Variants in DUSP16 observed in about 807,000 individuals in gnomAD.
DUSP16 encodes dual specificity protein phosphatase 16.
In DUSP16, 21 loss-of-function variants were observed where a neutral mutation model predicts 58.3. That is an observed-to-expected ratio of 0.36 (90% CI 0.26 to 0.52). The LOEUF (loss-of-function observed/expected upper bound fraction) is 0.52. Among genes scored for constraint, DUSP16 ranks in the 20% least tolerant of loss-of-function variants. DUSP16 has a pLI of 0.94. For synonymous variants in DUSP16, 320 were observed against 323.8 expected (o/e 0.99, Z 0.12); for missense variants, 726 against 819.0 (o/e 0.89, Z 1.39).
intron 4 of DUSP16, among the ~76,000 whole-genome samples, chr12:12,498,631 T>G (rs1044583437): frequency 6.6e-6 from 1 of 152,068 alleles, no homozygotes; most frequent in African/African-American, 2.4e-5. Context: ...TCCTGGCTGT[T>G]CTCAAACTCC....
intron 1 of DUSP16, among the ~76,000 whole-genome samples, chr12:12,529,188 T>C (rs148033850): frequency 6.6e-5 from 10 of 152,232 alleles, no homozygotes; most frequent in Non-Finnish European, 1.2e-4. Context: ...CTCAGTTTAC[T>C]GCAACCTTCA....
chr12:12,537,185 T>C (rs922759242), intron 1 of DUSP16, among the ~76,000 whole-genome samples: 3 of 152,188 alleles, frequency 2.0e-5, no homozygotes, highest in Admixed American at 6.5e-5. Flanking sequence ...CAGAAAACTA[T>C]ATATATTTTT....
rs552480839 is a variant in DUSP16, at chr12:12,512,370, G to A, written c.367+7492C>T. Among the ~76,000 whole-genome samples, 7 of 152,224 alleles carry A rather than the reference G, an allele frequency of 4.6e-5. No individual in the cohort carries two copies. In the South Asian group the frequency reaches 1.0e-3, roughly 23 times the overall value. On this transcript the variant is annotated intron_variant, in intron 3 of 6. Transcript: ENST00000298573. ...TAAGATCTACTCTTTCAGCAAATTTGAAGTATATGGTACGTTTATTGTCAA... is the reference window on the plus strand; with the variant it reads ...TAAGATCTACTCTTTCAGCAAATTTAAAGTATATGGTACGTTTATTGTCAA...
rs768340518 is a variant in DUSP16 at position 12,487,022 on chromosome 12, A to G, written c.691+6T>C. 5.0e-6 allele frequency: 8 copies of G among 1,613,760 alleles called. No homozygotes were observed. The highest frequency in any genetic ancestry group is 3.3e-5 in the Admixed American group (2 of 60,004). Reference sequence around the variant, plus strand: ...CAGGACCTGCAATATTATTTGAGCTACTTACCAATGAAATCTACTGATTTG... The same window carrying G: ...CAGGACCTGCAATATTATTTGAGCTGCTTACCAATGAAATCTACTGATTTG... On this transcript the variant is annotated splice_donor_region_variant and intron_variant, in intron 5 of 6. Coordinates refer to ENST00000298573, the MANE Select transcript of DUSP16 (RefSeq NM_030640.3).
chr12:12,489,845 A>T (rs374696646), intron 4 of DUSP16, among the ~76,000 whole-genome samples: 8 of 152,240 alleles, frequency 5.3e-5, no homozygotes, highest in African/African-American at 1.9e-4. Context: ...TTTGTTAGAG[A>T]CCTTTTAATT....
chr12:12,553,316 T>C (rs1944759552), intron 1 of DUSP16, among the ~76,000 whole-genome samples: 1 of 152,140 alleles, frequency 6.6e-6, no homozygotes, highest in South Asian at 2.1e-4. Flanking sequence ...CACCTGAATA[T>C]GAATCAGAAG....
Position 12,562,587 on chromosome 12 carries a change from G to T in DUSP16, c.-836C>A, listed in dbSNP as rs928744866. 1.3e-5 allele frequency among the ~76,000 whole-genome samples: 2 copies of T among 151,274 alleles called. No homozygotes were observed. Among genetic ancestry groups the T allele is most frequent in the African/African-American group, 2.4e-5 (1 of 41,210 alleles). ...GGGGGGGTGGGGTGGGGGGTTGGGGGAAAGAGAAAGAGTCGCTGGTCAGGA... is the reference window on the plus strand; with the variant it reads ...GGGGGGGTGGGGTGGGGGGTTGGGGTAAAGAGAAAGAGTCGCTGGTCAGGA... On this transcript the variant is annotated 5_prime_UTR_variant, in exon 1 of 7. Coordinates refer to ENST00000298573, the MANE Select transcript of DUSP16 (RefSeq NM_030640.3).
At chr12:12,534,509 C>T (rs1566036076) in intron 1 of DUSP16, among the ~76,000 whole-genome samples, 4 of 152,180 alleles carry the variant, frequency 2.6e-5, no homozygotes, top group Admixed American at 2.0e-4. Context: ...TTCTATAATT[C>T]GGCTCCATCA....
chr12:12,487,769 T>C (rs1022234301), intron 4 of DUSP16, among the ~76,000 whole-genome samples: 1 of 148,774 alleles, frequency 6.7e-6, no homozygotes, highest in Non-Finnish European at 1.5e-5. Flanking sequence ...AAACTAAACA[T>C]ATTCTCTTTT....
chr12:12,486,975 C>T lies in DUSP16; in HGVS notation c.691+53G>A. On this transcript the variant is annotated intron_variant, in intron 5 of 6. Coordinates refer to ENST00000298573, the MANE Select transcript of DUSP16 (RefSeq NM_030640.3). ...AAAATGGGGGGCTGAGGGGGTTCAC[C>T]TACACATGAGACGATCACCCACAGG... 8 of 1,600,416 alleles carry T rather than the reference C, an allele frequency of 5.0e-6. No individual in the cohort carries two copies. In the South Asian group the frequency reaches 8.9e-5, roughly 18 times the overall value.
Position 12,477,411 on chromosome 12 carries a change from C to T in DUSP16, c.1420G>A (p.Ala474Thr), listed in dbSNP as rs201815856. ...EASIPKKLQTARPSDSQSKRL... is the reference protein window; with the variant it reads ...EASIPKKLQTTRPSDSQSKRL... ...TTGCTCTGGCTGTCTGAAGGCCTGG[C>T]GGTCTGCAGCTTCTTGGGGATGCTG... is the stretch of plus-strand genomic sequence containing the variant. The change falls in exon 7 of 7, where the codon GCC becomes ACC. Residue 474 changes from alanine (A) to threonine (T), a missense_variant. Transcript: ENST00000298573. The surrounding 1 kb of genome is among the most constrained non-coding windows in gnomAD (Gnocchi z 4.1). The T allele has an allele frequency of 4.3e-6, 7 of 1,609,734 alleles. No individual in the cohort carries two copies. The African/African-American group carries it at 5.4e-5, about 12-fold the overall frequency.
At chr12:12,538,621 T>G (rs1366035293) in intron 1 of DUSP16, among the ~76,000 whole-genome samples, 1 of 152,206 alleles carries the variant, frequency 6.6e-6, no homozygotes, top group Non-Finnish European at 1.5e-5. Flanking sequence ...TAATGCACCC[T>G]TTTAAACACT....
chr12:12,540,256 C>G (rs1055697237), intron 1 of DUSP16, among the ~76,000 whole-genome samples: 1 of 151,234 alleles, frequency 6.6e-6, no homozygotes, highest in Non-Finnish European at 1.5e-5. Flanking sequence ...AGCTTGAGCC[C>G]GGGAGATAGA....
intron 1 of DUSP16, among the ~76,000 whole-genome samples, chr12:12,537,125 A>G (rs912047813): frequency 1.3e-5 from 2 of 152,206 alleles, no homozygotes; most frequent in African/African-American, 4.8e-5. Flanking sequence ...TTTCTTCAAT[A>G]TATTTTTCTG....
intron 1 of DUSP16, among the ~76,000 whole-genome samples, chr12:12,525,810 G>A (rs141906871): frequency 6.6e-6 from 1 of 151,190 alleles, no homozygotes; most frequent in Non-Finnish European, 1.5e-5. Flanking sequence ...AAGCTGACAA[G>A]TAACTCATAA....
At chr12:12,552,989 C>T (rs1944754866) in intron 1 of DUSP16, among the ~76,000 whole-genome samples, 1 of 152,154 alleles carries the variant, frequency 6.6e-6, no homozygotes, top group African/African-American at 2.4e-5. Flanking sequence ...CCATGTTGGT[C>T]AAGCTGGTCT....
intron 6 of DUSP16, among the ~76,000 whole-genome samples, chr12:12,479,025 G>C (rs537009851): frequency 3.3e-5 from 5 of 152,122 alleles, no homozygotes; most frequent in African/African-American, 1.2e-4. Context: ...AAATCACACA[G>C]CTACTAAATG....
At chr12:12,491,743 C>G (rs755167106) in intron 4 of DUSP16, among the ~76,000 whole-genome samples, 1 of 152,132 alleles carries the variant, frequency 6.6e-6, no homozygotes, top group African/African-American at 2.4e-5. Flanking sequence ...CTCATCTTGG[C>G]CTCTCACTCT....
chr12:12,532,571 A>C (rs1245158307), intron 1 of DUSP16, among the ~76,000 whole-genome samples: 3 of 152,222 alleles, frequency 2.0e-5, no homozygotes, highest in Non-Finnish European at 4.4e-5. Flanking sequence ...GTCATGACAT[A>C]CATTCAGACC....
Sources: allele counts gnomAD v4.1 joint callset (sites outside exome capture counted in the v4.1 genomes callset), GRCh38; gene constraint gnomAD v4.1.1; non-coding constraint Gnocchi (gnomAD v3.1); transcripts MANE v1.5; gene names NCBI Gene and HGNC (gene_info 2026-07-23, HGNC 2026-07-21).